SGPP1: variants seen among roughly 807,000 people sequenced by gnomAD.
SGPP1 encodes hSPP1.
In SGPP1, 21 loss-of-function variants were observed where a neutral mutation model predicts 33.0. The ratio of observed to expected loss-of-function variants is 0.64; its 90% CI spans 0.45 to 0.92. The LOEUF (loss-of-function observed/expected upper bound fraction) is 0.92, where lower values mean the gene tolerates loss of function less well. Ranked by LOEUF, SGPP1 falls within the 40% of genes least tolerant of loss-of-function variation. The pLI, the probability that SGPP1 is intolerant of heterozygous loss-of-function variation, is 0.00. For synonymous variants in SGPP1, 239 were observed against 241.2 expected, an observed-to-expected ratio of 0.99 and a Z score of 0.08; for missense variants, 543 against 589.4, an observed-to-expected ratio of 0.92 and a Z score of 0.81.
rs371248974 is a variant in SGPP1, at chr14:63,686,365, G to T, written c.1066C>A (p.Pro356Thr). Residue 356 changes from proline (P) to threonine (T), a missense_variant, in exon 3 of 3, where the codon CCC (proline) becomes ACC (threonine). Coordinates refer to ENST00000247225, the MANE Select transcript of SGPP1 (RefSeq NM_030791.4). ...SLDTLPLAGP[P>T]ITVTLFGKAI... ...TTTCCAAACAGAGTCACAGTAATGG[G>T]GGGCCCAGCTAAAGGTAATGTATCT... is the stretch of plus-strand genomic sequence containing the variant. 6.2e-7 allele frequency: 1 copy of T among 1,614,116 alleles called. No individual in the cohort carries two copies. Among genetic ancestry groups the T allele is most frequent in the South Asian group, 1.1e-5 (1 of 91,074 alleles).
intron 1 of SGPP1, among the ~76,000 whole-genome samples, chr14:63,710,503 G>A (rs1170765805): frequency 6.6e-6 from 1 of 152,164 alleles, no homozygotes; most frequent in African/African-American, 2.4e-5. Flanking sequence ...AAGAAAAAAA[G>A]GAGATGCATT....
chr14:63,692,701 C>T (rs1885112369), intron 2 of SGPP1, among the ~76,000 whole-genome samples: 1 of 152,162 alleles, frequency 6.6e-6, no homozygotes, highest in African/African-American at 2.4e-5. Flanking sequence ...ATTCACCCAC[C>T]TCAGCTTCCC....
At chr14:63,707,613 G>A (rs1032785703) in intron 1 of SGPP1, among the ~76,000 whole-genome samples, 4 of 149,102 alleles carry the variant, frequency 2.7e-5, no homozygotes, top group Non-Finnish European at 5.9e-5. Flanking sequence ...TCGGCTCACC[G>A]CAACCTCCGC....
chr14:63,724,376 A>G (rs1885833051), intron 1 of SGPP1, among the ~76,000 whole-genome samples: 1 of 152,078 alleles, frequency 6.6e-6, no homozygotes, highest in African/African-American at 2.4e-5. Flanking sequence ...CGCCAGGCAT[A>G]TATAAGTAAC....
intron 1 of SGPP1, among the ~76,000 whole-genome samples, chr14:63,707,567 C>A (rs1434685060): frequency 6.9e-6 from 1 of 143,910 alleles, no homozygotes; most frequent in Non-Finnish European, 1.5e-5. Context: ...TGGAGTTTCT[C>A]TCTTGTTGCC....
At chr14:63,694,247 C>T (rs190785138) in intron 2 of SGPP1, among the ~76,000 whole-genome samples, 78 of 150,908 alleles carry the variant, frequency 5.2e-4, no homozygotes, top group Middle Eastern at 3.4e-3. Context: ...GCACTCCAGC[C>T]TGGGTAACAG....
chr14:63,712,029 CAAAAA>C (rs61030675), intron 1 of SGPP1, among the ~76,000 whole-genome samples: 1 of 70,768 alleles, frequency 1.4e-5, no homozygotes. Flanking sequence ...GACTCCATCT[CAAAAA>C]AAAAAAAAAA....
chr14:63,716,126 A>C (rs932056263), intron 1 of SGPP1, among the ~76,000 whole-genome samples: 3 of 152,194 alleles, frequency 2.0e-5, no homozygotes, highest in African/African-American at 7.2e-5. Context: ...TATGATCTAT[A>C]ATCAGGAGAA....
intron 1 of SGPP1, among the ~76,000 whole-genome samples, chr14:63,711,660 A>G (rs1039366403): frequency 9.2e-5 from 14 of 152,172 alleles, no homozygotes; most frequent in African/African-American, 3.4e-4. Flanking sequence ...GCTTTACTCA[A>G]AGTCCACTGA....
rs747365791 is a variant in SGPP1 at position 63,686,385 on chromosome 14, G to C, written c.1046C>G (p.Thr349Arg). The change falls in exon 3 of 3, where the codon ACA (threonine) becomes AGA (arginine). Residue 349 changes from threonine (T) to arginine (R), a missense_variant. Thr to Arg is a moderately conservative substitution (Grantham distance 71). Transcript: ENST00000247225. Reference sequence around the variant, plus strand: ...AATGGGGGGCCCAGCTAAAGGTAATGTATCTAGAGAAGGATCTAATACTAG... The same window carrying C: ...AATGGGGGGCCCAGCTAAAGGTAATCTATCTAGAGAAGGATCTAATACTAG... ...MGLVLDPSLDTLPLAGPPITV... is the reference protein window; with the variant it reads ...MGLVLDPSLDRLPLAGPPITV... The C allele has an allele frequency of 5.0e-6, 8 of 1,614,158 alleles. No individual in the cohort carries two copies. Among genetic ancestry groups the C allele is most frequent in the South Asian group, 4.4e-5 (4 of 91,080 alleles).
At chr14:63,698,529 C>A in intron 2 of SGPP1, 40 bp downstream of exon 2, 3 of 1,135,686 alleles carry the variant, frequency 2.6e-6, no homozygotes, top group South Asian at 3.0e-5. Flanking sequence ...CTGTCAATGT[C>A]ATAAAAAATA....
intron 1 of SGPP1, among the ~76,000 whole-genome samples, chr14:63,716,295 A>G (rs372365645): frequency 2.0e-5 from 3 of 152,234 alleles, no homozygotes; most frequent in African/African-American, 7.2e-5. Context: ...GGAGTTCAAG[A>G]CCAGCCTGGC....
chr14:63,694,304 A>T (rs77348429), intron 2 of SGPP1, among the ~76,000 whole-genome samples: 2 of 152,046 alleles, frequency 1.3e-5, no homozygotes, highest in Non-Finnish European at 2.9e-5. Context: ...AAAAGAAAAA[A>T]TTCATTAAAT....
chr14:63,704,424 G>C (rs1458268231), intron 1 of SGPP1, among the ~76,000 whole-genome samples: 3 of 152,166 alleles, frequency 2.0e-5, no homozygotes, highest in African/African-American at 7.2e-5. Flanking sequence ...GTAAAGAATA[G>C]TCTCTTTAAC....
intron 1 of SGPP1, among the ~76,000 whole-genome samples, chr14:63,704,449 C>T (rs1200535667): frequency 2.0e-5 from 3 of 152,146 alleles, no homozygotes; most frequent in Admixed American, 1.3e-4. Flanking sequence ...AGTGCTAGGA[C>T]GTCTGAATAC....
intron 1 of SGPP1, among the ~76,000 whole-genome samples, chr14:63,699,197 A>T (rs1005472945): frequency 1.3e-5 from 2 of 152,228 alleles, no homozygotes; most frequent in African/African-American, 2.4e-5. Flanking sequence ...CTAAAATTTC[A>T]AATGGTCCCC....
chr14:63,728,060 G>T lies in SGPP1; in HGVS notation c.-116C>A. The T allele has an allele frequency of 8.9e-7, 1 of 1,120,996 alleles. No individual in the cohort carries two copies. Among genetic ancestry groups the T allele is most frequent in the Non-Finnish European group, 1.1e-6 (1 of 889,428 alleles). The allele number at this position is 1,120,996 out of a possible 1,614,324, so 69.4% of individuals were successfully genotyped here. ...GCGCTCTACCCTCCGGAGTCTGCCG[G>T]GTGACGGCGCCACAGGCCGCGCGCC... is the stretch of plus-strand genomic sequence containing the variant. On this transcript the variant is annotated 5_prime_UTR_variant, in exon 1 of 3. Transcript: ENST00000247225.
intron 1 of SGPP1, among the ~76,000 whole-genome samples, chr14:63,702,295 A>G: frequency 6.6e-6 from 1 of 152,222 alleles, no homozygotes; most frequent in East Asian, 1.9e-4. Context: ...TGGCACCTTC[A>G]GATTTCACTG....
intron 1 of SGPP1, among the ~76,000 whole-genome samples, chr14:63,720,486 C>A (rs978162184): frequency 6.8e-6 from 1 of 146,546 alleles, no homozygotes; most frequent in Non-Finnish European, 1.5e-5. Flanking sequence ...AGGCCGGGTG[C>A]GGTGGCTCAT....
Sources: gnomAD v4.1 joint callset for allele counts (sites outside exome capture counted in the v4.1 genomes callset) on GRCh38, gnomAD v4.1.1 for gene constraint, MANE v1.5 for transcripts, NCBI Gene and HGNC (gene_info 2026-07-23, HGNC 2026-07-21) for gene names.